LTBP4: variants seen among roughly 807,000 people sequenced by gnomAD.
LTBP4 encodes the protein latent-transforming growth factor beta-binding protein 4.
A neutral mutation model predicts 180.2 loss-of-function variants in LTBP4; 93 were observed. That is an observed-to-expected ratio of 0.52 (90% CI 0.44 to 0.61). The LOEUF (loss-of-function observed/expected upper bound fraction) is 0.61, where lower values mean the gene tolerates loss of function less well. Among genes scored for constraint, LTBP4 ranks in the 20% least tolerant of loss-of-function variants. LTBP4 has a pLI of 0.00. For missense variants in LTBP4, 2,116 were observed against 2,256.5 expected, an observed-to-expected ratio of 0.94 and a Z score of 1.26; for synonymous variants, 947 against 934.5, an observed-to-expected ratio of 1.01 and a Z score of -0.24.
intron 1 of LTBP4, 122 bp from the exon 2 acceptor site, chr19:40,604,913 G>T: frequency 1.2e-6 from 1 of 831,498 alleles, no homozygotes; most frequent in East Asian, 2.7e-5. Flanking sequence ...GAATTGGGGC[G>T]GGGCCACATG....
chr19:40,613,309 C>T lies in LTBP4; in HGVS notation c.2432-95C>T. 1 of 1,548,954 alleles carries T rather than the reference C, an allele frequency of 6.5e-7. No homozygotes were observed. Among genetic ancestry groups the T allele is most frequent in the Non-Finnish European group, 8.7e-7 (1 of 1,145,328 alleles). On this transcript the variant is annotated intron_variant, in intron 16 of 29. Transcript: ENST00000396819. This position sits in a 1 kb window ranked among gnomAD's most constrained non-coding sequence, Gnocchi z 5.0. ...AGGCGCTGTGGGAGGAGCTTAGAAA[C>T]CTGGCATTGGTGGGGGCGGGGTTAC...
At chr19:40,623,055 G>A in intron 24 of LTBP4, 34 bp downstream of exon 24, 1 of 1,536,110 alleles carries the variant, frequency 6.5e-7, no homozygotes, top group Non-Finnish European at 8.8e-7. Context: ...ACCCCACTCA[G>A]CTCTGAGGCC....
In LTBP4 at chr19:40,627,172, CG is replaced by C; in HGVS notation, c.4186del (p.Glu1396ArgfsTer105). The C allele has an allele frequency of 6.2e-7, 1 of 1,613,186 alleles. No individual in the cohort carries two copies. On this transcript the variant is annotated frameshift_variant, in exon 28 of 30. Coordinates refer to ENST00000396819, the MANE Select transcript of LTBP4 (RefSeq NM_001042545.2). LOFTEE classifies it high-confidence loss of function. ...YPPPPGPFAR[R>X]EAPYGAPRFD... ...ACCGCCACCTGGGCCCTTCGCCCGC[CG>C]GGAGGCTCCTTATGGGGCACCCCGC...
At position 40,595,197 on chromosome 19, in the gene LTBP4, T is replaced by G. The variant is rs58427275; in HGVS notation, c.16+2016T>G. ...GTTTTCTGTGGGAAAGGGTGTGGCCTGAAACTCTGGAAAAAGAGGTGATTA... is the reference window on the plus strand; with the variant it reads ...GTTTTCTGTGGGAAAGGGTGTGGCCGGAAACTCTGGAAAAAGAGGTGATTA... On this transcript the variant is annotated intron_variant, in intron 1 of 32. Coordinates refer to the LTBP4 transcript ENST00000204005. Among the ~76,000 whole-genome samples, 815 of 152,104 alleles carry G rather than the reference T, an allele frequency of 5.4e-3. 14 individuals are homozygous for G. The highest frequency in any genetic ancestry group is 0.017 in the African/African-American group (724 of 41,502).
At chr19:40,607,249 T>TC in intron 6 of LTBP4, 116 bp from the exon 7 acceptor site, 2 of 786,354 alleles carry the variant, frequency 2.5e-6, no homozygotes, top group South Asian at 1.6e-5. Flanking sequence ...CAAATGCCCC[T>TC]CGCACCCACC....
At position 40,619,507 on chromosome 19, in the gene LTBP4, G is replaced by A; in HGVS notation, c.3217+14G>A. The A allele has an allele frequency of 1.2e-6, 2 of 1,601,054 alleles. No individual in the cohort carries two copies. Among genetic ancestry groups the A allele is most frequent in the South Asian group, 1.1e-5 (1 of 89,624 alleles). On this transcript the variant is annotated intron_variant, in intron 22 of 29. Coordinates refer to ENST00000396819, the MANE Select transcript of LTBP4 (RefSeq NM_001042545.2). ...GAACTTCTGCTGGTGAGACTGATGT[G>A]TCTATTTAACTGATGGCGGCTGGCC...
intron 1 of LTBP4, among the ~76,000 whole-genome samples, chr19:40,602,643 C>G (rs2146017744): frequency 6.6e-6 from 1 of 152,316 alleles, no homozygotes; most frequent in South Asian, 2.1e-4. Flanking sequence ...AGGCGCCATG[C>G]CCAGGCGGGT....
At position 40,611,110 on chromosome 19, in the gene LTBP4, G is replaced by T; in HGVS notation, c.1811-42G>T. ...AGCCAAAGTGACAGAGGTCAGGGAGGCAGAGGGGAACAAGTGACCCCGGGC... is the reference window on the plus strand; with the variant it reads ...AGCCAAAGTGACAGAGGTCAGGGAGTCAGAGGGGAACAAGTGACCCCGGGC... On this transcript the variant is annotated intron_variant, in intron 12 of 29. Coordinates refer to ENST00000396819, the MANE Select transcript of LTBP4 (RefSeq NM_001042545.2). This position sits in a 1 kb window ranked among gnomAD's most constrained non-coding sequence, Gnocchi z 4.4. The T allele has an allele frequency of 6.2e-7, 1 of 1,608,566 alleles. No individual in the cohort carries two copies. The highest frequency in any genetic ancestry group is 8.5e-7 in the Non-Finnish European group (1 of 1,175,540).
chr19:40,601,920 C>T (rs1042059522), intron 1 of LTBP4, among the ~76,000 whole-genome samples: 2 of 151,724 alleles, frequency 1.3e-5, no homozygotes, highest in Non-Finnish European at 2.9e-5. Context: ...ATGGGGATCT[C>T]AGAATTGAGG....
chr19:40,627,720 C>G lies in LTBP4; in HGVS notation c.4382C>G (p.Pro1461Arg). Reference sequence around the variant, plus strand: ...TTTCCCACAGGTTCCCTGGCTGAGCCCTACGAGGAGCTGGAGGCGGAGGAG... The same window carrying G: ...TTTCCCACAGGTTCCCTGGCTGAGCGCTACGAGGAGCTGGAGGCGGAGGAG... ...GGSYAGSLAE[P>R]YEELEAEECG... The change falls in exon 29 of 30, where the codon CCC (proline) becomes CGC (arginine). Residue 1461 changes from proline to arginine, a missense_variant. Pro to Arg is a moderately radical substitution (Grantham distance 103). Coordinates refer to ENST00000396819, the MANE Select transcript of LTBP4 (RefSeq NM_001042545.2). The G allele has an allele frequency of 6.3e-7, 1 of 1,596,268 alleles. No homozygotes were observed.
At chr19:40,610,062 T>C in intron 11 of LTBP4, 191 bp downstream of exon 11, 1 of 692,102 alleles carries the variant, frequency 1.4e-6, no homozygotes, top group Non-Finnish European at 2.2e-6. Flanking sequence ...ACCCCACCCC[T>C]ACCCAGCTCC....
In LTBP4 at chr19:40,607,464, G is replaced by C. The variant is rs1161404935; in HGVS notation, c.1091G>C (p.Cys364Ser). 1 of 1,613,150 alleles carries C rather than the reference G, an allele frequency of 6.2e-7. No homozygotes were observed. The highest frequency in any genetic ancestry group is 8.5e-7 in the Non-Finnish European group (1 of 1,179,768). Residue 364 changes from cysteine to serine, a missense_variant, in exon 7 of 30, where the codon TGC becomes TCC. Transcript: ENST00000396819. ...PILRNITKQI[C>S]CCSRVGKAWG... ...CTGCGGAACATCACTAAACAGATCT[G>C]CTGCTGCAGCCGCGTAGGCAAGGCC...
At position 40,611,416 on chromosome 19, in the gene LTBP4, C is replaced by G; in HGVS notation, c.2053+22C>G. On this transcript the variant is annotated intron_variant, in intron 13 of 29. Coordinates refer to ENST00000396819, the MANE Select transcript of LTBP4 (RefSeq NM_001042545.2). This position sits in a 1 kb window ranked among gnomAD's most constrained non-coding sequence, Gnocchi z 4.4. Reference sequence around the variant, plus strand: ...CAAGGTGAGGGTGCTGAGCCCAGCCCTACTCCATCACTGTTTGCTGTGGAG... The same window carrying G: ...CAAGGTGAGGGTGCTGAGCCCAGCCGTACTCCATCACTGTTTGCTGTGGAG... 6.3e-7 allele frequency: 1 copy of G among 1,592,576 alleles called. No homozygotes were observed. Among genetic ancestry groups the G allele is most frequent in the Non-Finnish European group, 8.5e-7 (1 of 1,172,808 alleles).
rs1213090806 is a variant in LTBP4 at position 40,611,280 on chromosome 19, T to C, written c.1939T>C (p.Cys647Arg). ...GSACEEDVDECAQEPPPCGPG... is the reference protein window; with the variant it reads ...GSACEEDVDERAQEPPPCGPG... Reference sequence around the variant, plus strand: ...GGCGTGTGAAGAGGATGTGGATGAGTGTGCCCAGGAGCCGCCGCCCTGTGG... The same window carrying C: ...GGCGTGTGAAGAGGATGTGGATGAGCGTGCCCAGGAGCCGCCGCCCTGTGG... The change falls in exon 13 of 30, where the codon TGT (cysteine) becomes CGT (arginine). Residue 647 changes from cysteine (C) to arginine (R), a missense_variant. Cys to Arg is a radical substitution (Grantham distance 180, BLOSUM62 -3). Coordinates refer to ENST00000396819, the MANE Select transcript of LTBP4 (RefSeq NM_001042545.2). The surrounding 1 kb of genome is among the most constrained non-coding windows in gnomAD (Gnocchi z 4.4). The C allele has an allele frequency of 3.1e-6, 5 of 1,612,132 alleles. No individual in the cohort carries two copies. The highest frequency in any genetic ancestry group is 2.7e-5 in the African/African-American group (2 of 74,926).
chr19:40,601,805 G>T (rs1458442185), intron 1 of LTBP4, among the ~76,000 whole-genome samples, 168 bp downstream of exon 1: 1 of 152,274 alleles, frequency 6.6e-6, no homozygotes, highest in South Asian at 2.1e-4. Context: ...CTGGCTTTTG[G>T]GGTTGGGTCC....
chr19:40,597,173 C>G, upstream of LTBP4: 1 of 1,276,124 alleles, frequency 7.8e-7, no homozygotes. Context: ...GGGGCGGGGC[C>G]GGGGCTAGCC....
chr19:40,605,480 T>G lies in LTBP4; in HGVS notation c.518T>G (p.Val173Gly). The change falls in exon 3 of 30, where the codon GTG becomes GGG. Residue 173 changes from valine to glycine, a missense_variant. Val to Gly is a moderately radical substitution (Grantham distance 109, BLOSUM62 -3). Around this residue, in one of 5 missense-constraint regions of LTBP4, gnomAD observed 469 missense variants for 532.5 expected, o/e 0.88. Coordinates refer to ENST00000396819, the MANE Select transcript of LTBP4 (RefSeq NM_001042545.2). The surrounding 1 kb of genome is among the most constrained non-coding windows in gnomAD (Gnocchi z 5.5). ...ASVVVHQVERVSGPWEEADAE... is the reference protein window; with the variant it reads ...ASVVVHQVERGSGPWEEADAE... ...GTGGTGGTGCACCAGGTGGAGCGTG[T>G]GTCTGGCCCTTGGGAGGAGGCGGAC... 6.2e-7 allele frequency: 1 copy of G among 1,612,214 alleles called. No individual in the cohort carries two copies. The highest frequency in any genetic ancestry group is 8.5e-7 in the Non-Finnish European group (1 of 1,179,798).
intron 21 of LTBP4, 70 bp downstream of exon 21, chr19:40,617,295 A>G: frequency 2.0e-6 from 3 of 1,529,900 alleles, no homozygotes; most frequent in Non-Finnish European, 1.8e-6. Context: ...GTCCCTCCCC[A>G]TATATCTGAA....
intron 24 of LTBP4, 145 bp downstream of exon 24, chr19:40,623,166 TTTTCTTTC>T (rs1176365908): frequency 9.5e-6 from 5 of 526,650 alleles, no homozygotes; most frequent in South Asian, 7.5e-5. Flanking sequence ...TCTTTCTTTC[TTTTCTTTC>T]TTTTTTTTTT....
Sources: allele counts gnomAD v4.1 joint callset (sites outside exome capture counted in the v4.1 genomes callset), GRCh38; gene constraint gnomAD v4.1.1; regional missense constraint gnomAD v4.1.1; non-coding constraint Gnocchi (gnomAD v3.1); transcripts MANE v1.5; gene names NCBI Gene and HGNC (gene_info 2026-07-23, HGNC 2026-07-21).